The following GPHN variants were observed in gnomAD, a reference collection of about 807,000 sequenced individuals.
GPHN encodes gephyrin.
In GPHN, 17 loss-of-function variants were observed where a neutral mutation model predicts 95.5. The ratio of observed to expected loss-of-function variants is 0.18; its 90% CI spans 0.12 to 0.27. The LOEUF (loss-of-function observed/expected upper bound fraction) is 0.27. Among genes scored for constraint, GPHN ranks in the 10% least tolerant of loss-of-function variants. GPHN has a pLI of 1.00. For synonymous variants in GPHN, 320 were observed against 322.5 expected (o/e 0.99, Z 0.08); for missense variants, 660 against 978.1 (o/e 0.67, Z 4.34).
chr14:66,944,980 C>G (rs750097783), intron 8 of GPHN, among the ~76,000 whole-genome samples: 17 of 152,194 alleles, frequency 1.1e-4, no homozygotes, highest in Non-Finnish European at 1.6e-4. Context: ...TTTCCTCTAC[C>G]CTCCAAAGAG....
In GPHN at chr14:66,982,854, G is replaced by A. The variant is rs1390766154; in HGVS notation, c.963+17529G>A. ...CTTTAGAAAAGTATGAATAAAAATA[G>A]CTAATGATGTGAAGCTCTTATTATT... On this transcript the variant is annotated intron_variant, in intron 9 of 22. Transcript: ENST00000478722. 2.6e-5 allele frequency among the ~76,000 whole-genome samples: 4 copies of A among 152,216 alleles called. No homozygotes were observed. In the East Asian group the frequency reaches 5.8e-4, roughly 22 times the overall value.
chr14:67,477,080 C>T, the GPHN span, among the ~76,000 whole-genome samples: 12 of 152,072 alleles, frequency 7.9e-5, no homozygotes, highest in South Asian at 1.7e-3. Context: ...ACAGGAGAAC[C>T]GCTTGAACCT....
At chr14:66,766,482 G>A (rs1438349790) in intron 2 of GPHN, among the ~76,000 whole-genome samples, 1 of 151,998 alleles carries the variant, frequency 6.6e-6, no homozygotes, top group Non-Finnish European at 1.5e-5. Context: ...TGAAACACTA[G>A]ACTCACAAAA....
chr14:66,912,051 G>A (rs2065698298), intron 5 of GPHN, among the ~76,000 whole-genome samples: 1 of 151,970 alleles, frequency 6.6e-6, no homozygotes, highest in Non-Finnish European at 1.5e-5. Context: ...ATATTAGTAT[G>A]TTATTTCTCT....
the GPHN span, among the ~76,000 whole-genome samples, chr14:67,505,214 CAG>C: frequency 6.6e-6 from 1 of 152,032 alleles, no homozygotes; most frequent in Non-Finnish European, 1.5e-5. Flanking sequence ...TCAGAATGGG[CAG>C]AGACTGGGGA....
chr14:67,574,346 G>T, the GPHN span: 1 of 1,598,178 alleles, frequency 6.3e-7, no homozygotes, highest in Admixed American at 1.7e-5. The surrounding 1 kb of genome is among the most constrained non-coding windows in gnomAD (Gnocchi z 4.2). Flanking sequence ...AGGCCACCGG[G>T]CCTCCAGCTC....
chr14:67,383,468 G>A, the GPHN span: 5 of 1,610,388 alleles, frequency 3.1e-6, no homozygotes, highest in Non-Finnish European at 4.2e-6. Flanking sequence ...TCCAATTTAA[G>A]GAACACAGAG....
intron 2 of GPHN, among the ~76,000 whole-genome samples, chr14:66,757,782 A>G (rs1036793154): frequency 2.0e-5 from 3 of 152,174 alleles, no homozygotes; most frequent in African/African-American, 7.2e-5. Context: ...CCCTAACATT[A>G]TAGTTATTTT....
chr14:67,275,520 G>A, the GPHN span, among the ~76,000 whole-genome samples: 1 of 152,200 alleles, frequency 6.6e-6, no homozygotes, highest in Non-Finnish European at 1.5e-5. Context: ...GATTTGGTTT[G>A]CCAGTATTTT....
chr14:67,226,436 C>T, the GPHN span, among the ~76,000 whole-genome samples: 1 of 152,214 alleles, frequency 6.6e-6, no homozygotes, highest in Non-Finnish European at 1.5e-5. Flanking sequence ...TCTTGGCTCA[C>T]TGCAACCTCT....
At chr14:66,738,857 C>T (rs2072528090) in intron 2 of GPHN, among the ~76,000 whole-genome samples, 1 of 152,070 alleles carries the variant, frequency 6.6e-6, no homozygotes, top group Admixed American at 6.5e-5. Flanking sequence ...TCCCCACTTT[C>T]TCCTCATGAA....
intron 21 of GPHN, among the ~76,000 whole-genome samples, chr14:67,176,047 TC>T (rs2082924650): frequency 6.6e-6 from 1 of 152,184 alleles, no homozygotes; most frequent in African/African-American, 2.4e-5. Flanking sequence ...CTTCCTCTTT[TC>T]CTATTTGAAT....
At chr14:66,773,687 C>T (rs1055559958) in intron 2 of GPHN, among the ~76,000 whole-genome samples, 4 of 152,064 alleles carry the variant, frequency 2.6e-5, no homozygotes, top group Admixed American at 6.6e-5. Flanking sequence ...TTTCCTAGGT[C>T]GTGACTCTCT....
At chr14:67,280,881 C>CTCCCTCCG in the GPHN span, among the ~76,000 whole-genome samples, 1 of 132,334 alleles carries the variant, frequency 7.6e-6, no homozygotes, top group Admixed American at 8.4e-5. Flanking sequence ...CCCTCCCTCC[C>CTCCCTCCG]TTTTCTTTCT....
the GPHN span, among the ~76,000 whole-genome samples, chr14:67,231,379 C>T: frequency 6.6e-6 from 1 of 152,174 alleles, no homozygotes; most frequent in South Asian, 2.1e-4. Flanking sequence ...GCACTGTAAC[C>T]TCATACTCCT....
At chr14:67,419,230 G>C in the GPHN span, among the ~76,000 whole-genome samples, 1 of 152,156 alleles carries the variant, frequency 6.6e-6, no homozygotes, top group African/African-American at 2.4e-5. Flanking sequence ...GTAAACAAGA[G>C]AGGGGCAGAA....
the GPHN span, among the ~76,000 whole-genome samples, chr14:67,213,720 G>A: frequency 2.6e-5 from 4 of 152,088 alleles, no homozygotes; most frequent in Non-Finnish European, 4.4e-5. Context: ...TCTAGTTCTA[G>A]ATCCCTGAGG....
chr14:66,551,927 T>G (rs1294833477), intron 1 of GPHN, among the ~76,000 whole-genome samples: 1 of 152,212 alleles, frequency 6.6e-6, no homozygotes, highest in African/African-American at 2.4e-5. Context: ...ATTACAATTC[T>G]GCATGAAATT....
At chr14:67,323,812 G>A in the GPHN span, 4 of 1,517,688 alleles carry the variant, frequency 2.6e-6, no homozygotes, top group Non-Finnish European at 3.6e-6. Context: ...AGAATCCAAA[G>A]GTAAAGTTTT....
Sources: gnomAD v4.1 joint callset for allele counts (sites outside exome capture counted in the v4.1 genomes callset) on GRCh38, gnomAD v4.1.1 for gene constraint, Gnocchi (gnomAD v3.1) non-coding constraint, MANE v1.5 for transcripts, NCBI Gene and HGNC (gene_info 2026-07-23, HGNC 2026-07-21) for gene names.